Variants in CACNA2D1 observed in about 807,000 individuals in gnomAD.
CACNA2D1 encodes the protein voltage-dependent calcium channel subunit alpha-2/delta-1.
Under a neutral mutation model 171.5 loss-of-function variants are expected in CACNA2D1, and 53 were observed. That is an observed-to-expected ratio of 0.31 (90% CI 0.25 to 0.39). The LOEUF is 0.39. Ranked by LOEUF, CACNA2D1 falls within the 10% of genes least tolerant of loss-of-function variation. The pLI is 1.00. For synonymous variants in CACNA2D1, 442 were observed against 443.1 expected, an observed-to-expected ratio of 1.00 and a Z score of 0.03; for missense variants, 903 against 1,299.8, an observed-to-expected ratio of 0.69 and a Z score of 4.69.
At chr7:82,397,891 C>T (rs1825912394) in intron 1 of CACNA2D1, among the ~76,000 whole-genome samples, 1 of 152,066 alleles carries the variant, frequency 6.6e-6, no homozygotes, top group Non-Finnish European at 1.5e-5. Flanking sequence ...GACTAAATGG[C>T]TCTTATTAGA....
intron 3 of CACNA2D1, among the ~76,000 whole-genome samples, chr7:82,293,150 T>C (rs951450351): frequency 5.3e-5 from 8 of 152,114 alleles, no homozygotes; most frequent in Non-Finnish European, 8.8e-5. Flanking sequence ...TTATAAATTA[T>C]CTCAATGGCC....
intron 2 of CACNA2D1, among the ~76,000 whole-genome samples, chr7:82,345,304 A>T (rs924202328): frequency 6.6e-6 from 1 of 152,196 alleles, no homozygotes; most frequent in Non-Finnish European, 1.5e-5. Context: ...ATTGAAATGT[A>T]AAGGTATTGG....
At chr7:82,230,615 G>A (rs1802828489) in intron 3 of CACNA2D1, among the ~76,000 whole-genome samples, 1 of 152,158 alleles carries the variant, frequency 6.6e-6, no homozygotes, top group African/African-American at 2.4e-5. Flanking sequence ...AGCCAAATGG[G>A]TGCAACCTGA....
intron 1 of CACNA2D1, among the ~76,000 whole-genome samples, chr7:82,424,410 A>G (rs1336459676): frequency 6.6e-6 from 1 of 152,214 alleles, no homozygotes; most frequent in Non-Finnish European, 1.5e-5. Context: ...ACTCACTGAA[A>G]TGAAGAAATC....
chr7:81,968,304 C>T (rs1215120614), intron 29 of CACNA2D1, among the ~76,000 whole-genome samples: 1 of 151,412 alleles, frequency 6.6e-6, no homozygotes, highest in Non-Finnish European at 1.5e-5. Flanking sequence ...ATTGTATTCA[C>T]TCACTCTAGC....
intron 6 of CACNA2D1, among the ~76,000 whole-genome samples, chr7:82,091,973 A>G (rs998176873): frequency 6.6e-6 from 1 of 152,196 alleles, no homozygotes; most frequent in African/African-American, 2.4e-5. Flanking sequence ...ATGAGAACTG[A>G]ATTAGCAAGC....
intron 1 of CACNA2D1, among the ~76,000 whole-genome samples, chr7:82,398,877 C>T (rs926227811): frequency 6.6e-6 from 1 of 150,700 alleles, no homozygotes; most frequent in African/African-American, 2.4e-5. Context: ...CCACACCCGG[C>T]CCCATTCTCC....
intron 6 of CACNA2D1, among the ~76,000 whole-genome samples, chr7:82,115,746 A>T (rs1224105821): frequency 6.6e-6 from 1 of 151,722 alleles, no homozygotes; most frequent in Non-Finnish European, 1.5e-5. Flanking sequence ...AAGTGAATAA[A>T]AAAAAAAAGC....
intron 3 of CACNA2D1, among the ~76,000 whole-genome samples, chr7:82,255,817 G>A (rs1206874648): frequency 1.3e-5 from 2 of 152,300 alleles, no homozygotes; most frequent in South Asian, 4.1e-4. Context: ...CTGACCAACT[G>A]CCCTACAGCT....
chr7:82,319,328 A>T (rs1479930528), intron 3 of CACNA2D1, among the ~76,000 whole-genome samples: 1 of 152,192 alleles, frequency 6.6e-6, no homozygotes, highest in Non-Finnish European at 1.5e-5. Context: ...GAATCAAAAT[A>T]CAGTTGTTAA....
chr7:82,416,609 CTATT>C (rs1368029482), intron 1 of CACNA2D1, among the ~76,000 whole-genome samples: 1 of 152,138 alleles, frequency 6.6e-6, no homozygotes. Context: ...CATGCACTCT[CTATT>C]TATAGCAATG....
chr7:81,992,455 G>C (rs115111830), intron 20 of CACNA2D1, among the ~76,000 whole-genome samples: 305 of 152,160 alleles, frequency 2.0e-3, no homozygotes, highest in Middle Eastern at 0.01. Flanking sequence ...ATGTGTGGCA[G>C]ATGGAGGGGG....
At chr7:82,080,517 AAAAG>A (rs1809616866) in intron 7 of CACNA2D1, among the ~76,000 whole-genome samples, 1 of 152,222 alleles carries the variant, frequency 6.6e-6, no homozygotes, top group Non-Finnish European at 1.5e-5. Context: ...GAATTTAGCA[AAAAG>A]AAATACAAGA....
At chr7:82,203,022 G>A (rs868153362) in intron 3 of CACNA2D1, among the ~76,000 whole-genome samples, 4 of 152,118 alleles carry the variant, frequency 2.6e-5, no homozygotes, top group Admixed American at 6.5e-5. Context: ...AGCGGGAGAA[G>A]GACATTGCTG....
At chr7:82,185,100 G>C (rs1398580973) in intron 3 of CACNA2D1, among the ~76,000 whole-genome samples, 1 of 152,122 alleles carries the variant, frequency 6.6e-6, no homozygotes, top group Admixed American at 6.5e-5. Context: ...CATCACGTAA[G>C]TAGGAGACAA....
intron 3 of CACNA2D1, among the ~76,000 whole-genome samples, chr7:82,227,623 G>C (rs1040399638): frequency 6.6e-5 from 10 of 152,150 alleles, no homozygotes; most frequent in Non-Finnish European, 1.3e-4. Context: ...CAGTACAGCC[G>C]AGTAGTTAAG....
At chr7:82,376,321 T>C (rs1384595527) in intron 1 of CACNA2D1, among the ~76,000 whole-genome samples, 1 of 152,184 alleles carries the variant, frequency 6.6e-6, no homozygotes, top group African/African-American at 2.4e-5. Flanking sequence ...TCTATTGTTA[T>C]CAAAATTACA....
Position 82,084,842 on chromosome 7 carries a change from C to G in CACNA2D1, c.585G>C (p.Lys195Asn), listed in dbSNP as rs1035408693. The G allele has an allele frequency of 6.2e-7, 1 of 1,613,924 alleles. No homozygotes were observed. Among genetic ancestry groups the G allele is most frequent in the Non-Finnish European group, 8.5e-7 (1 of 1,179,862 alleles). ...ATAATGAAGGGTCTTCCTCGCGATT[C>G]TTTTTGAAAACTTCATCTAAGGCAC... ...WTSALDEVFK[K>N]NREEDPSLLW... Residue 195 changes from lysine (K) to asparagine (N), a missense_variant, in exon 7 of 39, where the codon AAG (lysine) becomes AAC (asparagine). Physicochemically the swap from Lys to Asn is moderately conservative, Grantham distance 94. Coordinates refer to ENST00000356860, the MANE Select transcript of CACNA2D1 (RefSeq NM_000722.4).
At chr7:82,044,583 T>C (rs544091701) in intron 10 of CACNA2D1, among the ~76,000 whole-genome samples, 1 of 152,298 alleles carries the variant, frequency 6.6e-6, no homozygotes, top group Admixed American at 6.5e-5. Flanking sequence ...AACAAATTTA[T>C]ATTTTGTAAG....
Sources: gnomAD v4.1 joint callset for allele counts (sites outside exome capture counted in the v4.1 genomes callset) on GRCh38, gnomAD v4.1.1 for gene constraint, MANE v1.5 for transcripts, NCBI Gene and HGNC (gene_info 2026-07-23, HGNC 2026-07-21) for gene names.